The following ASCC3 variants were observed in gnomAD, a reference collection of about 807,000 sequenced individuals.
The protein encoded by ASCC3 is activating signal cointegrator 1 complex subunit 3, also known as ASC-1 complex subunit P200.
A neutral mutation model predicts 256.3 loss-of-function variants in ASCC3; 158 were observed. That is an observed-to-expected ratio of 0.62 (90% CI 0.54 to 0.70). The LOEUF (loss-of-function observed/expected upper bound fraction) is 0.70, where lower values mean the gene tolerates loss of function less well. Ranked by LOEUF, ASCC3 falls within the 30% of genes least tolerant of loss-of-function variation. The pLI is 0.00. For synonymous variants in ASCC3, 948 were observed against 883.4 expected, an observed-to-expected ratio of 1.07 and a Z score of -1.30; for missense variants, 2,259 against 2,626.0, an observed-to-expected ratio of 0.86 and a Z score of 3.05.
chr6:100,744,033 T>C (rs966909340), intron 10 of ASCC3, among the ~76,000 whole-genome samples: 2 of 152,292 alleles, frequency 1.3e-5, no homozygotes, highest in South Asian at 4.1e-4. Flanking sequence ...TGAACTGATA[T>C]ATGAAAAAGA....
chr6:100,623,877 C>T (rs945810047), intron 30 of ASCC3, among the ~76,000 whole-genome samples: 2 of 151,672 alleles, frequency 1.3e-5, no homozygotes, highest in African/African-American at 2.4e-5. Flanking sequence ...TAAAAAGACA[C>T]CATGATATTG....
chr6:100,769,143 C>A (rs990801399), intron 8 of ASCC3, among the ~76,000 whole-genome samples: 7 of 152,010 alleles, frequency 4.6e-5, no homozygotes, highest in Admixed American at 2.0e-4. Context: ...CACATGATCT[C>A]ACTCATATGT....
At chr6:100,597,169 G>A (rs192003079) in intron 34 of ASCC3, among the ~76,000 whole-genome samples, 124 of 152,116 alleles carry the variant, frequency 8.2e-4, no homozygotes, top group Middle Eastern at 6.8e-3. Flanking sequence ...CCCCCAGGCC[G>A]CCTTCTGGCT....
chr6:100,864,651 T>G (rs1441526014), intron 2 of ASCC3, among the ~76,000 whole-genome samples: 2 of 152,208 alleles, frequency 1.3e-5, no homozygotes, highest in African/African-American at 4.8e-5. Context: ...TATGGAAAAT[T>G]AGACTCCCAT....
chr6:100,766,745 C>T, intron 9 of ASCC3, 40 bp from the exon 10 acceptor site: 1 of 1,612,888 alleles, frequency 6.2e-7, no homozygotes, highest in Non-Finnish European at 8.5e-7. Flanking sequence ...TGAGCAAAAA[C>T]TACCATGTCA....
At chr6:100,707,897 T>C (rs1029702241) in intron 13 of ASCC3, among the ~76,000 whole-genome samples, 1 of 152,124 alleles carries the variant, frequency 6.6e-6, no homozygotes, top group Admixed American at 6.6e-5. Context: ...AATCTCTTTG[T>C]GCAAAATAGA....
intron 4 of ASCC3, among the ~76,000 whole-genome samples, chr6:100,837,548 T>C (rs566394256): frequency 8.3e-4 from 126 of 152,198 alleles, no homozygotes; most frequent in African/African-American, 2.8e-3. Flanking sequence ...ACTATTCAGC[T>C]GTAAAAAGGA....
At chr6:100,829,622 C>T (rs989719905) in intron 4 of ASCC3, among the ~76,000 whole-genome samples, 5 of 152,160 alleles carry the variant, frequency 3.3e-5, no homozygotes, top group Non-Finnish European at 7.4e-5. Context: ...CCTTGGCCAG[C>T]CCAGAAAGGG....
intron 39 of ASCC3, 51 bp downstream of exon 39, chr6:100,516,129 A>C (rs771191856): frequency 2.2e-5 from 36 of 1,611,718 alleles, no homozygotes; most frequent in Non-Finnish European, 2.8e-5. Flanking sequence ...AACTCTTGGT[A>C]CACCTTCTCA....
chr6:100,606,651 T>C (rs1347284681), intron 32 of ASCC3, 89 bp downstream of exon 32: 83 of 1,401,330 alleles, frequency 5.9e-5, no homozygotes, highest in Non-Finnish European at 6.1e-5. Context: ...AGAAGTTTAA[T>C]TGGTGGAAAT....
intron 13 of ASCC3, among the ~76,000 whole-genome samples, chr6:100,701,733 A>G (rs1321914074): frequency 6.6e-6 from 1 of 152,204 alleles, no homozygotes; most frequent in Non-Finnish European, 1.5e-5. Context: ...GTGTTATTAC[A>G]GCTTATAATA....
chr6:100,852,406 T>A (rs1772726852), intron 3 of ASCC3, among the ~76,000 whole-genome samples: 1 of 152,236 alleles, frequency 6.6e-6, no homozygotes, highest in Admixed American at 6.5e-5. Context: ...GTGTTAGTCA[T>A]GTTCTTGTTT....
At chr6:100,778,264 A>G (rs1450534997) in intron 8 of ASCC3, among the ~76,000 whole-genome samples, 2 of 152,202 alleles carry the variant, frequency 1.3e-5, no homozygotes, top group Non-Finnish European at 2.9e-5. Context: ...ACAGGCAATT[A>G]CATCAGAATT....
At chr6:100,840,885 G>A (rs552381690) in intron 4 of ASCC3, among the ~76,000 whole-genome samples, 5 of 151,456 alleles carry the variant, frequency 3.3e-5, no homozygotes, top group Admixed American at 2.0e-4. Context: ...ATTAGAAAAC[G>A]AGTTGTATAA....
chr6:100,719,914 T>C (rs1192927321), intron 11 of ASCC3, among the ~76,000 whole-genome samples: 1 of 151,978 alleles, frequency 6.6e-6, no homozygotes, highest in East Asian at 1.9e-4. Context: ...CTTAGACTTT[T>C]ATCTTTTCCA....
At chr6:100,722,459 G>T (rs978765868) in intron 11 of ASCC3, among the ~76,000 whole-genome samples, 1 of 151,504 alleles carries the variant, frequency 6.6e-6, no homozygotes, top group Non-Finnish European at 1.5e-5. Context: ...AGTTGAAATT[G>T]AAAAAGAAAG....
intron 4 of ASCC3, among the ~76,000 whole-genome samples, chr6:100,825,436 T>C (rs1485279495): frequency 6.6e-6 from 1 of 152,216 alleles, no homozygotes; most frequent in Non-Finnish European, 1.5e-5. Flanking sequence ...TAAGTTCCTT[T>C]AGAAATGTCC....
chr6:100,748,733 ATAATCT>A (rs778396351), intron 10 of ASCC3, among the ~76,000 whole-genome samples: 4 of 152,102 alleles, frequency 2.6e-5, no homozygotes, highest in African/African-American at 4.8e-5. Context: ...ATATTTGAAA[ATAATCT>A]TAATCTTATT....
At position 100,811,058 on chromosome 6, in the gene ASCC3, C is replaced by G. The variant is rs117470340; in HGVS notation, c.802-5178G>C. ...TTTTTGTCCATGTTTACCCCCCGCC[C>G]ATACTAAAGTCACCTAGAAACAGTG... On this transcript the variant is annotated intron_variant, in intron 4 of 41. Transcript: ENST00000369162. 4.0e-4 allele frequency among the ~76,000 whole-genome samples: 61 copies of G among 152,158 alleles called. 1 individual carries two copies. In the East Asian group the frequency reaches 0.011, roughly 26 times the overall value.
Sources: allele counts gnomAD v4.1 joint callset (sites outside exome capture counted in the v4.1 genomes callset), GRCh38; gene constraint gnomAD v4.1.1; transcripts MANE v1.5; gene names NCBI Gene and HGNC (gene_info 2026-07-23, HGNC 2026-07-21).